The following DUX4 variants were observed in gnomAD, a reference collection of about 807,000 sequenced individuals.
DUX4 encodes double homeobox protein 4.
At chr4:190,176,516 C>T (rs1742310062), downstream of DUX4, among the ~76,000 whole-genome samples, 1 of 104,354 alleles carries the variant, frequency 9.6e-6, no homozygotes, top group African/African-American at 2.7e-5. Flanking sequence ...CCCGTGTAGG[C>T]AGAGCCTAGA....
At chr4:190,178,366 A>AG (rs1742421030), downstream of DUX4, among the ~76,000 whole-genome samples, 1 of 151,332 alleles carries the variant, frequency 6.6e-6, no homozygotes, top group African/African-American at 2.4e-5. Flanking sequence ...CCCTGTAGGC[A>AG]AAGCCTAGGC....
chr4:190,177,772 C>A (rs1742385341), downstream of DUX4, among the ~76,000 whole-genome samples: 115 of 144,618 alleles, frequency 8.0e-4, no homozygotes, highest in East Asian at 1.6e-3. Flanking sequence ...GTCCCATCAC[C>A]TGGGTGATCA....
downstream of DUX4, among the ~76,000 whole-genome samples, chr4:190,177,174 A>ACAGCTATGTCAAAACGCCCCTGTAGG (rs1742347544): frequency 2.0e-5 from 3 of 150,564 alleles, no homozygotes; most frequent in East Asian, 2.0e-4. Context: ...TGATCTGTGC[A>ACAGCTATGTCAAAACGCCCCTGTAGG]GAGCTATGTC....
downstream of DUX4, among the ~76,000 whole-genome samples, chr4:190,177,869 A>AAGC (rs1742391815): frequency 7.0e-6 from 1 of 143,452 alleles, no homozygotes; most frequent in Non-Finnish European, 1.6e-5. Flanking sequence ...GATATGTCAC[A>AAGC]ATGTCCCTGT....
At chr4:190,181,177 A>AAT (rs1742550324) in intron 1 of DUX4, among the ~76,000 whole-genome samples, 2 of 146,408 alleles carry the variant, frequency 1.4e-5, no homozygotes, top group African/African-American at 2.5e-5. Context: ...AGCTTAGACT[A>AAT]GAGTTACATC....
intron 1 of DUX4, among the ~76,000 whole-genome samples, chr4:190,181,335 CTCTGCA>C (rs1742565617): frequency 1.6e-3 from 1 of 626 alleles, no homozygotes; most frequent in African/African-American, 4.3e-3. Context: ...CCTGGGTGAT[CTCTGCA>C]AAGATATGCC....
downstream of DUX4, among the ~76,000 whole-genome samples, chr4:190,178,929 C>T (rs1248719952): frequency 2.6e-3 from 221 of 85,822 alleles, no homozygotes; most frequent in Admixed American, 3.0e-3. Flanking sequence ...GACAAGAGTC[C>T]GTCTCCTGGG....
At chr4:190,177,972 C>G (rs1742397016), downstream of DUX4, among the ~76,000 whole-genome samples, 201 of 134,880 alleles carry the variant, frequency 1.5e-3, no homozygotes, top group South Asian at 3.9e-3. Flanking sequence ...ACAAGAGTTA[C>G]ATCACCTGGG....
downstream of DUX4, among the ~76,000 whole-genome samples, chr4:190,180,142 A>G (rs1418370553): frequency 2.1e-4 from 15 of 72,176 alleles, no homozygotes; most frequent in South Asian, 4.7e-4. Context: ...GGCAGAGCCT[A>G]GAGAAGAGTC....
At chr4:190,182,226 G>GGGTGAGGGTTAGGGTT (rs1742606881) in intron 1 of DUX4, 2 of 128,852 alleles carry the variant, frequency 1.6e-5, no homozygotes, top group East Asian at 2.4e-4. Flanking sequence ...GGGTCAGGGT[G>GGGTGAGGGTTAGGGTT]AGGGTGAGGG....
At chr4:190,176,653 C>T (rs1351873805), downstream of DUX4, among the ~76,000 whole-genome samples, 1 of 114,256 alleles carries the variant, frequency 8.8e-6, no homozygotes, top group African/African-American at 2.6e-5. Context: ...CCCCTGTAGG[C>T]AGAGCCTAGA....
downstream of DUX4, among the ~76,000 whole-genome samples, chr4:190,178,014 CT>C (rs1742399372): frequency 3.4e-5 from 5 of 148,072 alleles, no homozygotes; most frequent in Admixed American, 6.8e-5. Context: ...ACAATGCCCC[CT>C]GTAAGCAGAT....
downstream of DUX4, among the ~76,000 whole-genome samples, chr4:190,176,645 C>T (rs1233348971): frequency 1.1e-4 from 13 of 123,204 alleles, no homozygotes; most frequent in African/African-American, 3.4e-4. Context: ...TCACAAAGCC[C>T]CTGTAGGCAG....
downstream of DUX4, among the ~76,000 whole-genome samples, chr4:190,178,559 G>GA (rs1742432525): frequency 9.8e-6 from 1 of 102,226 alleles, no homozygotes; most frequent in African/African-American, 3.3e-5. Flanking sequence ...ATTTCACAAC[G>GA]CCCCCTGTAG....
chr4:190,177,953 A>C (rs1579833531), downstream of DUX4, among the ~76,000 whole-genome samples: 174 of 143,060 alleles, frequency 1.2e-3, no homozygotes, highest in Admixed American at 3.4e-3. Flanking sequence ...TCCAGTAGGC[A>C]GAGCCTAGAC....
downstream of DUX4, among the ~76,000 whole-genome samples, chr4:190,179,485 GT>G (rs1742497347): frequency 2.5e-5 from 3 of 120,124 alleles, no homozygotes; most frequent in African/African-American, 2.9e-5. Flanking sequence ...TATCACCTGG[GT>G]GATCAGTGCA....
downstream of DUX4, among the ~76,000 whole-genome samples, chr4:190,179,512 C>CTTT (rs1742500357): frequency 2.3e-5 from 1 of 43,188 alleles, no homozygotes. Context: ...ATGTCACAAG[C>CTTT]CCCCTGTAGG....
chr4:190,176,308 T>C (rs1742302077), downstream of DUX4, among the ~76,000 whole-genome samples: 1 of 115,294 alleles, frequency 8.7e-6, no homozygotes, highest in Non-Finnish European at 2.0e-5. Context: ...AATGCCCCTG[T>C]AGGCAGAGCT....
chr4:190,175,931 C>T (rs1208653221), downstream of DUX4: 7 of 123,854 alleles, frequency 5.7e-5, 2 homozygotes, highest in African/African-American at 1.9e-4. Context: ...TACAGAACTT[C>T]GGTGATCAGT....
Sources: gnomAD v4.1 joint callset for allele counts (sites outside exome capture counted in the v4.1 genomes callset) on GRCh38, gnomAD v4.1.1 for gene constraint, MANE v1.5 for transcripts, NCBI Gene and HGNC (gene_info 2026-07-23, HGNC 2026-07-21) for gene names.